Variants in DPP10 observed in about 807,000 individuals in gnomAD.
DPP10 encodes the protein dipeptidyl peptidase like 10.
A neutral mutation model predicts 120.9 loss-of-function variants in DPP10; 33 were observed. The ratio of observed to expected loss-of-function variants is 0.27; its 90% CI spans 0.21 to 0.37. The LOEUF is 0.37. DPP10 is among the 10% of genes least tolerant of loss of function. The pLI, the probability that DPP10 is intolerant of heterozygous loss-of-function variation, is 1.00. For synonymous variants in DPP10, 337 were observed against 326.1 expected (o/e 1.03, Z -0.36); for missense variants, 816 against 942.8 (o/e 0.87, Z 1.76).
At chr2:115,618,029 T>C (rs1271032549) in intron 5 of DPP10, among the ~76,000 whole-genome samples, 1 of 152,220 alleles carries the variant, frequency 6.6e-6, no homozygotes, top group Non-Finnish European at 1.5e-5. Context: ...GTGAGGTGAA[T>C]GCTTTGGGCA....
rs769953524 is a variant in DPP10 at position 114,663,244 on chromosome 2, G to GTA, written c.60+220420_60+220421dup. On this transcript the variant is annotated intron_variant, in intron 1 of 25. Coordinates refer to ENST00000410059, the MANE Select transcript of DPP10 (RefSeq NM_020868.6). ...TGTGTATATTAAGAGCCTTGTGTGT[G>GTA]TATATATATATATATCTATATATAT... Among the ~76,000 whole-genome samples, 86 of 145,818 alleles carry GTA rather than the reference G, an allele frequency of 5.9e-4. 1 individual carries two copies. Among genetic ancestry groups the GTA allele is most frequent in the Admixed American group, 8.4e-4 (12 of 14,318 alleles).
chr2:115,605,723 T>C (rs2083663217), intron 5 of DPP10, among the ~76,000 whole-genome samples: 1 of 152,106 alleles, frequency 6.6e-6, no homozygotes, highest in Admixed American at 6.5e-5. Flanking sequence ...CTCTTTTTTT[T>C]CTCTTGTAAA....
At chr2:115,685,926 A>G (rs2090962907) in intron 5 of DPP10, among the ~76,000 whole-genome samples, 1 of 152,074 alleles carries the variant, frequency 6.6e-6, no homozygotes, top group South Asian at 2.1e-4. Flanking sequence ...AATTACATAT[A>G]TGCAAATTCA....
chr2:114,598,293 G>T (rs1692090536), intron 1 of DPP10, among the ~76,000 whole-genome samples: 1 of 151,852 alleles, frequency 6.6e-6, no homozygotes, highest in African/African-American at 2.4e-5. Flanking sequence ...GTGGCAGGGA[G>T]GTGGAGATTT....
chr2:114,904,822 G>A (rs935430817), intron 1 of DPP10, among the ~76,000 whole-genome samples: 10 of 152,136 alleles, frequency 6.6e-5, no homozygotes, highest in Admixed American at 5.9e-4. Flanking sequence ...AGATAATTTA[G>A]AGATTTTCAG....
At chr2:115,833,608 G>A (rs772061045) in intron 21 of DPP10, among the ~76,000 whole-genome samples, 4 of 152,086 alleles carry the variant, frequency 2.6e-5, no homozygotes, top group Non-Finnish European at 4.4e-5. Context: ...ATAATGCCAC[G>A]CATGGAAAAT....
At position 114,497,276 on chromosome 2, in the gene DPP10, T is replaced by C. The variant is rs1243074926; in HGVS notation, c.60+54438T>C. Among the ~76,000 whole-genome samples, 29 of 94,896 alleles carry C rather than the reference T, an allele frequency of 3.1e-4. 2 individuals are homozygous for C. Among genetic ancestry groups the C allele is most frequent in the Non-Finnish European group, 8.7e-5 (4 of 46,216 alleles). 62.3% of individuals were successfully genotyped at this position (94,896 alleles called of 152,430 possible). On this transcript the variant is annotated intron_variant, in intron 1 of 25. Coordinates refer to ENST00000410059, the MANE Select transcript of DPP10 (RefSeq NM_020868.6). Reference sequence around the variant, plus strand: ...ATGTACGTGTGTATACATGTACATGTATACGTGTATACATGTACATGTATA... The same window carrying C: ...ATGTACGTGTGTATACATGTACATGCATACGTGTATACATGTACATGTATA...
chr2:115,721,220 G>T (rs192431769), intron 7 of DPP10, among the ~76,000 whole-genome samples: 8 of 152,256 alleles, frequency 5.3e-5, no homozygotes, highest in African/African-American at 1.9e-4. Flanking sequence ...TCTTCTGCCA[G>T]CAGTCCCCCA....
intron 7 of DPP10, 130 bp downstream of exon 7, chr2:115,690,051 TC>T: frequency 2.6e-6 from 2 of 764,630 alleles, no homozygotes; most frequent in Non-Finnish European, 4.1e-6. Flanking sequence ...GTCCTTTATA[TC>T]TTTTATCTAA....
chr2:114,566,724 CA>C (rs2104982723), intron 1 of DPP10, among the ~76,000 whole-genome samples: 1 of 152,336 alleles, frequency 6.6e-6, no homozygotes, highest in East Asian at 1.9e-4. Context: ...GAGTCACACA[CA>C]GCAGGAAGAA....
chr2:115,437,430 G>A (rs558046419), intron 3 of DPP10, among the ~76,000 whole-genome samples: 122 of 152,102 alleles, frequency 8.0e-4, no homozygotes, highest in African/African-American at 2.8e-3. Flanking sequence ...CACAGATTCC[G>A]AAAAGGAGTC....
intron 12 of DPP10, among the ~76,000 whole-genome samples, chr2:115,767,489 G>GTA (rs1491331151): frequency 2.7e-5 from 3 of 109,292 alleles, no homozygotes; most frequent in African/African-American, 5.7e-5. Context: ...GTGTGTGTGT[G>GTA]TATATATATA....
intron 1 of DPP10, among the ~76,000 whole-genome samples, chr2:114,769,982 T>A (rs1681105235): frequency 6.6e-6 from 1 of 152,124 alleles, no homozygotes; most frequent in African/African-American, 2.4e-5. Context: ...CACTAACTGA[T>A]CTCAATTTCA....
intron 1 of DPP10, among the ~76,000 whole-genome samples, chr2:115,059,164 T>C (rs1234448553): frequency 6.6e-6 from 1 of 150,824 alleles, no homozygotes; most frequent in East Asian, 1.9e-4. Context: ...TACAGAAATA[T>C]AAGGAAGAAA....
chr2:115,785,625 C>T (rs976190093), intron 17 of DPP10, among the ~76,000 whole-genome samples: 3 of 152,044 alleles, frequency 2.0e-5, no homozygotes, highest in Admixed American at 1.3e-4. Flanking sequence ...GTGGGCATAG[C>T]GGCACTCATA....
At chr2:115,014,609 A>G (rs1702500421) in intron 1 of DPP10, among the ~76,000 whole-genome samples, 1 of 152,132 alleles carries the variant, frequency 6.6e-6, no homozygotes. Flanking sequence ...CTAATAAAGA[A>G]TAAAAGAGAG....
intron 7 of DPP10, 133 bp from the exon 8 acceptor site, chr2:115,727,683 G>A (rs2092798765): frequency 1.1e-6 from 1 of 924,664 alleles, no homozygotes; most frequent in Non-Finnish European, 1.5e-6. Context: ...AAAAACATAT[G>A]CCTTGAATAA....
chr2:115,360,821 A>G (rs922263440), intron 3 of DPP10, among the ~76,000 whole-genome samples: 1 of 152,124 alleles, frequency 6.6e-6, no homozygotes, highest in Non-Finnish European at 1.5e-5. Context: ...GTTGTGGGGT[A>G]TGTCTGCTGG....
intron 1 of DPP10, among the ~76,000 whole-genome samples, chr2:114,589,042 G>GGA (rs1558910177): frequency 1.3e-5 from 2 of 150,906 alleles, no homozygotes; most frequent in Admixed American, 1.3e-4. Flanking sequence ...TTTTTTGGGG[G>GGA]GGGGGGTAGG....
Sources: allele counts gnomAD v4.1 joint callset (sites outside exome capture counted in the v4.1 genomes callset), GRCh38; gene constraint gnomAD v4.1.1; transcripts MANE v1.5; gene names NCBI Gene and HGNC (gene_info 2026-07-23, HGNC 2026-07-21).